The following STXBP6 variants were observed in gnomAD, a reference collection of about 807,000 sequenced individuals.
The protein encoded by STXBP6 is syntaxin binding protein 6.
Under a neutral mutation model 26.9 loss-of-function variants are expected in STXBP6, and 21 were observed. That is an observed-to-expected ratio of 0.78 (90% CI 0.55 to 1.12). The LOEUF is 1.12. Among genes scored for constraint, STXBP6 ranks in the 50% most tolerant of loss-of-function variants. STXBP6 has a pLI of 0.00. For synonymous variants in STXBP6, 97 were observed against 92.6 expected, an observed-to-expected ratio of 1.05 and a Z score of -0.27; for missense variants, 232 against 257.9, an observed-to-expected ratio of 0.90 and a Z score of 0.69.
chr14:24,994,345 G>A (rs1191488125), intron 1 of STXBP6, among the ~76,000 whole-genome samples: 3 of 152,128 alleles, frequency 2.0e-5, no homozygotes, highest in Non-Finnish European at 4.4e-5. Context: ...AGGAGAGTGG[G>A]TTTGATAAGG....
chr14:25,007,315 T>C (rs2074925362), intron 1 of STXBP6, among the ~76,000 whole-genome samples: 1 of 152,258 alleles, frequency 6.6e-6, no homozygotes, highest in African/African-American at 2.4e-5. Context: ...TGACTCATTC[T>C]GTATAAAACC....
intron 2 of STXBP6, among the ~76,000 whole-genome samples, chr14:24,958,247 T>C (rs970595030): frequency 2.3e-4 from 35 of 152,046 alleles, no homozygotes; most frequent in African/African-American, 8.2e-4. Context: ...GCTCACTACA[T>C]TGTATAACAC....
At chr14:24,812,788 A>C in intron 5 of STXBP6, 56 bp from the exon 6 acceptor site, 1 of 1,558,238 alleles carries the variant, frequency 6.4e-7, no homozygotes, top group Non-Finnish European at 8.9e-7. Flanking sequence ...ATTAGCAGAG[A>C]GATTTCACTG....
chr14:24,996,885 A>AAAAG (rs1389998813), intron 1 of STXBP6, among the ~76,000 whole-genome samples: 1 of 151,228 alleles, frequency 6.6e-6, no homozygotes, highest in East Asian at 1.9e-4. Flanking sequence ...AAAAAAAAAA[A>AAAAG]AGAGAAGGGA....
chr14:24,931,142 ACCC>A (rs2072387198), intron 2 of STXBP6, among the ~76,000 whole-genome samples: 3 of 113,752 alleles, frequency 2.6e-5, no homozygotes, highest in Admixed American at 1.1e-4. Flanking sequence ...AAAAAAAAAA[ACCC>A]AAACACCACA....
intron 1 of STXBP6, among the ~76,000 whole-genome samples, chr14:24,975,448 G>A (rs955370303): frequency 2.6e-5 from 4 of 152,038 alleles, no homozygotes; most frequent in African/African-American, 9.7e-5. Flanking sequence ...TCTCCCAATG[G>A]GTTCTAGTTT....
At chr14:24,927,922 TA>T (rs1461061422) in intron 2 of STXBP6, among the ~76,000 whole-genome samples, 26 of 152,276 alleles carry the variant, frequency 1.7e-4, no homozygotes, top group African/African-American at 5.8e-4. Context: ...TAATTCTCAT[TA>T]ATCTTAGTTT....
At chr14:25,017,866 C>T (rs971380592) in intron 1 of STXBP6, among the ~76,000 whole-genome samples, 7 of 144,038 alleles carry the variant, frequency 4.9e-5, no homozygotes, top group African/African-American at 2.0e-4. Flanking sequence ...GGCTCAATTG[C>T]CTCACCCGTT....
intron 2 of STXBP6, among the ~76,000 whole-genome samples, chr14:24,883,844 CA>C (rs1348758116): frequency 6.6e-6 from 1 of 152,008 alleles, no homozygotes; most frequent in Non-Finnish European, 1.5e-5. Flanking sequence ...CTATCCTCCC[CA>C]AAAAAGAATG....
At chr14:24,904,224 C>T (rs2071310442) in intron 2 of STXBP6, among the ~76,000 whole-genome samples, 1 of 152,096 alleles carries the variant, frequency 6.6e-6, no homozygotes, top group Non-Finnish European at 1.5e-5. Context: ...AAGCACAGTC[C>T]CAAAGTCATT....
At chr14:24,953,370 C>T (rs2140072808) in intron 2 of STXBP6, among the ~76,000 whole-genome samples, 1 of 152,292 alleles carries the variant, frequency 6.6e-6, no homozygotes, top group African/African-American at 2.4e-5. Context: ...GTAAACCTAT[C>T]TTTGAGAGCC....
At chr14:24,826,507 G>A (rs1035129735) in intron 4 of STXBP6, among the ~76,000 whole-genome samples, 4 of 152,286 alleles carry the variant, frequency 2.6e-5, no homozygotes, top group Admixed American at 1.3e-4. Context: ...TGAAGGAGGA[G>A]TCTGCCCCTA....
intron 2 of STXBP6, among the ~76,000 whole-genome samples, chr14:24,888,005 A>G (rs1396567006): frequency 2.0e-5 from 3 of 152,230 alleles, no homozygotes; most frequent in Non-Finnish European, 2.9e-5. Flanking sequence ...TTAAAGACAT[A>G]TAGTACACAA....
At chr14:24,994,301 T>C (rs1353122433) in intron 1 of STXBP6, among the ~76,000 whole-genome samples, 2 of 152,198 alleles carry the variant, frequency 1.3e-5, no homozygotes, top group African/African-American at 2.4e-5. Flanking sequence ...TTCTAGAATG[T>C]CTGTCATCAA....
In STXBP6 at chr14:24,826,735, C is replaced by T. The variant is rs759832793; in HGVS notation, c.452-7541G>A. On this transcript the variant is annotated intron_variant, in intron 4 of 5. Coordinates refer to ENST00000323944, the MANE Select transcript of STXBP6 (RefSeq NM_001394410.1). Reference sequence around the variant, plus strand: ...ACACACTATTTCTTGATCCACCCCCCGACCCCTGTCACTTTGATTCTTCCT... The same window carrying T: ...ACACACTATTTCTTGATCCACCCCCTGACCCCTGTCACTTTGATTCTTCCT... Among the ~76,000 whole-genome samples the T allele has an allele frequency of 1.3e-4, 20 of 152,218 alleles. 2 individuals are homozygous for T. Among genetic ancestry groups the T allele is most frequent in the Admixed American group, 3.9e-4 (6 of 15,288 alleles).
chr14:24,970,305 T>G (rs2073867644), intron 2 of STXBP6, among the ~76,000 whole-genome samples: 1 of 152,030 alleles, frequency 6.6e-6, no homozygotes, highest in Non-Finnish European at 1.5e-5. Flanking sequence ...CCACTTTAAG[T>G]GTGCAGCCTG....
intron 4 of STXBP6, among the ~76,000 whole-genome samples, chr14:24,839,425 A>G (rs2068723804): frequency 6.6e-6 from 1 of 152,214 alleles, no homozygotes; most frequent in African/African-American, 2.4e-5. Context: ...AATTTGGTTC[A>G]TGATCTATAG....
intron 2 of STXBP6, among the ~76,000 whole-genome samples, chr14:24,893,131 T>C (rs1321763898): frequency 6.6e-6 from 1 of 152,174 alleles, no homozygotes; most frequent in Non-Finnish European, 1.5e-5. Context: ...TGCCCAGAGA[T>C]AGTGACTGTC....
chr14:24,839,303 C>T (rs559198069), intron 4 of STXBP6, among the ~76,000 whole-genome samples: 85 of 152,202 alleles, frequency 5.6e-4, no homozygotes, highest in South Asian at 1.2e-3. Context: ...GATCTTTGCT[C>T]TGGGGTTGTA....
Sources: allele counts gnomAD v4.1 joint callset (sites outside exome capture counted in the v4.1 genomes callset), GRCh38; gene constraint gnomAD v4.1.1; transcripts MANE v1.5; gene names NCBI Gene and HGNC (gene_info 2026-07-23, HGNC 2026-07-21).